Variants in FRAS1 observed in about 807,000 individuals in gnomAD.
FRAS1 encodes Fraser extracellular matrix complex subunit 1, also known as extracellular matrix organizing protein FRAS1.
FRAS1 carries 290 observed loss-of-function variants against 435.2 expected under a neutral mutation model. The ratio of observed to expected loss-of-function variants is 0.67; its 90% CI spans 0.61 to 0.73. The LOEUF (loss-of-function observed/expected upper bound fraction) is 0.73, where lower values mean the gene tolerates loss of function less well. FRAS1 is among the 30% of genes least tolerant of loss of function. The probability of loss-of-function intolerance (pLI) is 0.00; values close to 1 mark genes in which losing one functional copy is unlikely to be tolerated. For missense variants in FRAS1, 4,860 were observed against 5,001.5 expected (o/e 0.97, Z 0.85); for synonymous variants, 1,800 against 1,851.0 (o/e 0.97, Z 0.71).
At position 78,095,557 on chromosome 4, in the gene FRAS1, A is replaced by C. The variant is rs539653289; in HGVS notation, c.108+29541A>C. Among the ~76,000 whole-genome samples the C allele has an allele frequency of 1.1e-4, 16 of 152,356 alleles. No individual in the cohort carries two copies. In the South Asian group the frequency reaches 1.2e-3, roughly 12 times the overall value. On this transcript the variant is annotated intron_variant, in intron 2 of 73. Transcript: ENST00000512123. ...TAAAGACTTACCCGAGACTGGGAAG[A>C]AAAAGAGGTTTTAATGGACATATAA...
chr4:78,451,020 A>G (rs779717801), intron 45 of FRAS1, among the ~76,000 whole-genome samples: 1 of 147,154 alleles, frequency 6.8e-6, no homozygotes, highest in Non-Finnish European at 1.5e-5. Flanking sequence ...AACACCTAAA[A>G]TTGACAACAG....
At chr4:78,479,774 C>T in intron 56 of FRAS1, 56 bp downstream of exon 56, 1 of 1,318,718 alleles carries the variant, frequency 7.6e-7, no homozygotes, top group South Asian at 1.6e-5. Context: ...CTTTCTTGAG[C>T]AGTTTTCTCC....
intron 2 of FRAS1, among the ~76,000 whole-genome samples, chr4:78,173,260 A>G (rs2110039984): frequency 6.6e-6 from 1 of 152,310 alleles, no homozygotes; most frequent in East Asian, 1.9e-4. Flanking sequence ...TCTTGAGCGC[A>G]AGCCAGTTCC....
intron 2 of FRAS1, among the ~76,000 whole-genome samples, chr4:78,223,477 G>T (rs73827904): frequency 0.01 from 1,545 of 152,240 alleles, 26 homozygotes; most frequent in African/African-American, 0.035. Flanking sequence ...CATTTAATTT[G>T]ATCATCTTGG....
rs1156698341 is a variant in FRAS1, at chr4:78,538,950, A to G, written c.11299-344A>G. On this transcript the variant is annotated intron_variant, in intron 72 of 73. Transcript: ENST00000512123. ...AGCCTGGGCGACAGAGCAAGACTCC[A>G]TCTAAAAAAAAAAAAAAAAAAAATC... 1.5e-4 allele frequency among the ~76,000 whole-genome samples: 11 copies of G among 74,166 alleles called. No homozygotes were observed. The South Asian group carries it at 6.7e-3, about 45-fold the overall frequency. 48.7% of individuals were successfully genotyped at this position (74,166 alleles called of 152,430 possible).
intron 26 of FRAS1, among the ~76,000 whole-genome samples, chr4:78,376,123 T>C (rs1196632385): frequency 6.6e-6 from 1 of 152,204 alleles, no homozygotes; most frequent in East Asian, 1.9e-4. Context: ...AGCTATCAGA[T>C]AAGAAATTGG....
At chr4:78,513,923 G>T (rs919571524) in intron 65 of FRAS1, among the ~76,000 whole-genome samples, 1 of 152,222 alleles carries the variant, frequency 6.6e-6, no homozygotes, top group African/African-American at 2.4e-5. Context: ...CCCTTAGAGT[G>T]AGCATGTTTA....
chr4:78,180,956 A>G, intron 2 of FRAS1: 5 of 1,610,616 alleles, frequency 3.1e-6, no homozygotes, highest in Non-Finnish European at 4.2e-6. Context: ...TTGGGCGCCC[A>G]CCACGCCCAT....
At chr4:78,183,583 A>T (rs1722135241) in intron 2 of FRAS1, among the ~76,000 whole-genome samples, 1 of 152,102 alleles carries the variant, frequency 6.6e-6, no homozygotes, top group Non-Finnish European at 1.5e-5. Context: ...TTCCTGTCAA[A>T]TTATCTCTTT....
At chr4:78,319,441 A>G (rs1288000859) in intron 18 of FRAS1, 1 of 456,856 alleles carries the variant, frequency 2.2e-6, no homozygotes, top group Non-Finnish European at 4.4e-6. Context: ...AATTGATGAC[A>G]TCCTGAATAA....
Position 78,375,749 on chromosome 4 carries a change from G to A in FRAS1, c.3162G>A (p.Gln1054=), listed in dbSNP as rs1006039950. The A allele has an allele frequency of 6.3e-7, 1 of 1,598,798 alleles. No individual in the cohort carries two copies. Among genetic ancestry groups the A allele is most frequent in the Admixed American group, 1.7e-5 (1 of 57,148 alleles). The change falls in exon 26 of 74, where the codon CAG becomes CAA. Residue 1054 remains glutamine (Q), a synonymous_variant. Coordinates refer to ENST00000512123, the MANE Select transcript of FRAS1 (RefSeq NM_025074.7). ...TTCCTTTTTTAATAGCCTGCCCTCAGGGGTGCTTGCAGTGCAGCCACAGGG... is the reference window on the plus strand; with the variant it reads ...TTCCTTTTTTAATAGCCTGCCCTCAAGGGTGCTTGCAGTGCAGCCACAGGG... ...HAKHKCTACP[Q]GCLQCSHRDR... is the part of the protein sequence containing the mutation.
intron 2 of FRAS1, among the ~76,000 whole-genome samples, chr4:78,080,966 G>A (rs904109830): frequency 2.0e-5 from 3 of 152,164 alleles, no homozygotes; most frequent in Non-Finnish European, 4.4e-5. Flanking sequence ...GGAGAAACAC[G>A]ATCTGTCTGT....
intron 20 of FRAS1, among the ~76,000 whole-genome samples, chr4:78,346,217 C>T (rs1353808095): frequency 6.6e-6 from 1 of 152,198 alleles, no homozygotes; most frequent in Non-Finnish European, 1.5e-5. Flanking sequence ...TGATTGCAAA[C>T]ATGAGCATCA....
chr4:78,223,158 A>G (rs138309972), intron 2 of FRAS1, among the ~76,000 whole-genome samples: 18 of 152,230 alleles, frequency 1.2e-4, no homozygotes, highest in East Asian at 7.7e-4. Context: ...CTGAGTCAGT[A>G]TGTCATTCCC....
chr4:78,381,883 G>A (rs1345389414), intron 27 of FRAS1, among the ~76,000 whole-genome samples: 1 of 90,560 alleles, frequency 1.1e-5, no homozygotes, highest in Non-Finnish European at 2.5e-5. Context: ...GAAAGAATGA[G>A]AGGTATAATA....
At chr4:78,478,595 T>TGTG (rs1578348277) in intron 55 of FRAS1, among the ~76,000 whole-genome samples, 2 of 152,316 alleles carry the variant, frequency 1.3e-5, no homozygotes, top group East Asian at 3.9e-4. Flanking sequence ...AAAGGGCAAT[T>TGTG]CTTGAGGAGT....
intron 2 of FRAS1, among the ~76,000 whole-genome samples, chr4:78,208,329 C>T (rs1723351325): frequency 6.6e-6 from 1 of 152,144 alleles, no homozygotes; most frequent in Admixed American, 6.5e-5. Flanking sequence ...TCTGACATAG[C>T]CAACCCATTA....
chr4:78,410,808 A>G (rs940604187), intron 31 of FRAS1, among the ~76,000 whole-genome samples: 1 of 152,244 alleles, frequency 6.6e-6, no homozygotes, highest in Non-Finnish European at 1.5e-5. Flanking sequence ...CATTTTGAAC[A>G]CTGACAGCAT....
intron 20 of FRAS1, among the ~76,000 whole-genome samples, chr4:78,358,617 T>A (rs933749126): frequency 1.3e-5 from 2 of 152,192 alleles, no homozygotes; most frequent in Admixed American, 6.5e-5. Context: ...TTTTGCCCAA[T>A]GTATATTCAG....
Sources: allele counts gnomAD v4.1 joint callset (sites outside exome capture counted in the v4.1 genomes callset), GRCh38; gene constraint gnomAD v4.1.1; transcripts MANE v1.5; gene names NCBI Gene and HGNC (gene_info 2026-07-23, HGNC 2026-07-21).